Variants in ASCC3 observed in about 807,000 individuals in gnomAD.
The protein encoded by ASCC3 is activating signal cointegrator 1 complex subunit 3.
A neutral mutation model predicts 256.3 loss-of-function variants in ASCC3; 158 were observed. That is an observed-to-expected ratio of 0.62 (90% CI 0.54 to 0.70). The LOEUF (loss-of-function observed/expected upper bound fraction) is 0.70. Ranked by LOEUF, ASCC3 falls within the 30% of genes least tolerant of loss-of-function variation. ASCC3 has a pLI of 0.00. For synonymous variants in ASCC3, 948 were observed against 883.4 expected (o/e 1.07, Z -1.30); for missense variants, 2,259 against 2,626.0 (o/e 0.86, Z 3.05).
At chr6:100,516,412 C>CT (rs1332542949) in intron 38 of ASCC3, 85 bp from the exon 39 acceptor site, 20 of 1,501,252 alleles carry the variant, frequency 1.3e-5, no homozygotes, top group African/African-American at 4.2e-5. Flanking sequence ...ATAATTATAG[C>CT]TTTTTTTGTT....
At chr6:100,567,302 T>C (rs1345206815) in intron 36 of ASCC3, among the ~76,000 whole-genome samples, 17 of 152,142 alleles carry the variant, frequency 1.1e-4, no homozygotes, top group Admixed American at 1.1e-3. Context: ...ACCTTAATTT[T>C]TTTTCCTTTC....
intron 14 of ASCC3, among the ~76,000 whole-genome samples, chr6:100,668,355 C>T (rs1395641054): frequency 6.6e-6 from 1 of 151,920 alleles, no homozygotes; most frequent in Non-Finnish European, 1.5e-5. Context: ...AAATTCAGTG[C>T]ATTTCACTTA....
chr6:100,596,510 A>C (rs554829019), intron 34 of ASCC3, among the ~76,000 whole-genome samples: 1 of 152,186 alleles, frequency 6.6e-6, no homozygotes, highest in African/African-American at 2.4e-5. Flanking sequence ...GTAAACTACC[A>C]TAACTTTCTA....
rs1372247634 is a variant in ASCC3 at position 100,867,918 on chromosome 6, G to A, written c.80C>T (p.Ala27Val). Residue 27 changes from alanine (A) to valine (V), a missense_variant, in exon 2 of 42, where the codon GCT becomes GTT. Around this residue, in one of 2 missense-constraint regions of ASCC3, gnomAD observed 420 missense variants for 419.3 expected, o/e 1.00. Transcript: ENST00000369162. ...CTTTAACAAATCTACCTTTAAGTCA[G>A]CCACTTCTTCATTATAATTATCTTG... Reference protein sequence around the residue: ...TKQDNYNEEVADLKIKRSKLH... With the variant: ...TKQDNYNEEVVDLKIKRSKLH... 2 of 1,612,070 alleles carry A rather than the reference G, an allele frequency of 1.2e-6. No homozygotes were observed. The highest frequency in any genetic ancestry group is 1.7e-6 in the Non-Finnish European group (2 of 1,178,334).
chr6:100,848,496 C>G lies in ASCC3; in HGVS notation c.453G>C (p.Gln151His). 6.2e-7 allele frequency: 1 copy of G among 1,613,748 alleles called. No homozygotes were observed. Among genetic ancestry groups the G allele is most frequent in the Non-Finnish European group, 8.5e-7 (1 of 1,179,872 alleles). ...TATCGCCATGTTCTTTTTCTGTCAT[C>G]TGCACAAGAGCAGTAAGATCATCTT... ...FSQDDLTALV[Q>H]MTEKEHGDRV... Residue 151 changes from glutamine to histidine, a missense_variant, in exon 4 of 42, where the codon CAG becomes CAC. Physicochemically the swap from Gln to His is conservative, Grantham distance 24. Coordinates refer to ENST00000369162, the MANE Select transcript of ASCC3 (RefSeq NM_006828.4).
chr6:100,868,044 A>G lies in ASCC3; in HGVS notation c.-41-6T>C. 1 of 1,382,708 alleles carries G rather than the reference A, an allele frequency of 7.2e-7. No homozygotes were observed. The highest frequency in any genetic ancestry group is 2.3e-5 in the East Asian group (1 of 43,574). 85.7% of individuals were successfully genotyped at this position (1,382,708 alleles called of 1,614,324 possible). A position where few individuals can be genotyped will look rare whatever the true frequency, so the allele number is the denominator to read the frequency against. On this transcript the variant is annotated splice_region_variant and splice_polypyrimidine_tract_variant and intron_variant, in intron 1 of 41. Coordinates refer to ENST00000369162, the MANE Select transcript of ASCC3 (RefSeq NM_006828.4). The stretch of plus-strand genomic sequence containing the variant: ...ATACAGCAAGAAACCTGAAACTGAA[A>G]CAAAACAAGATGATATTTATCTGTT...
At chr6:100,670,709 TAAC>T (rs909573311) in intron 14 of ASCC3, among the ~76,000 whole-genome samples, 2 of 151,858 alleles carry the variant, frequency 1.3e-5, no homozygotes, top group African/African-American at 4.8e-5. Context: ...GGGCCATCTG[TAAC>T]AACTGCTGGA....
At chr6:100,838,881 T>TAA (rs1432895586) in intron 4 of ASCC3, among the ~76,000 whole-genome samples, 24 of 152,072 alleles carry the variant, frequency 1.6e-4, no homozygotes, top group African/African-American at 5.5e-4. Flanking sequence ...CATATATATA[T>TAA]AACTTAAAAT....
chr6:100,533,566 A>T (rs1349234073), intron 37 of ASCC3, among the ~76,000 whole-genome samples: 1 of 152,180 alleles, frequency 6.6e-6, no homozygotes, highest in East Asian at 1.9e-4. Flanking sequence ...AAACTTTCCC[A>T]AACTAACTCA....
At chr6:100,771,237 AT>A (rs1218619400) in intron 8 of ASCC3, among the ~76,000 whole-genome samples, 31 of 152,170 alleles carry the variant, frequency 2.0e-4, no homozygotes, top group Non-Finnish European at 5.9e-5. Flanking sequence ...CGTTAAAAAA[AT>A]GACTTGAAAC....
At chr6:100,605,817 A>T in intron 32 of ASCC3, 117 bp from the exon 33 acceptor site, 1 of 1,215,094 alleles carries the variant, frequency 8.2e-7, no homozygotes. Flanking sequence ...GAATATTGTG[A>T]TAATATGTTT....
At chr6:100,583,732 T>C (rs1158332412) in intron 36 of ASCC3, among the ~76,000 whole-genome samples, 2 of 152,232 alleles carry the variant, frequency 1.3e-5, no homozygotes, top group Non-Finnish European at 2.9e-5. Flanking sequence ...TTTAGTGCTA[T>C]AAATTTCCCT....
intron 13 of ASCC3, among the ~76,000 whole-genome samples, chr6:100,714,243 T>A (rs1778988740): frequency 6.6e-6 from 1 of 152,200 alleles, no homozygotes; most frequent in African/African-American, 2.4e-5. Flanking sequence ...AGAAAAATTC[T>A]GCCAGCCTCT....
intron 3 of ASCC3, chr6:100,858,324 G>T: frequency 6.1e-6 from 2 of 327,570 alleles, no homozygotes; most frequent in Non-Finnish European, 8.7e-6. Flanking sequence ...ACTTTTTCTT[G>T]CCATATTATG....
In ASCC3 at chr6:100,629,828, A is replaced by G. The variant is rs551423652; in HGVS notation, c.4209-647T>C. Among the ~76,000 whole-genome samples the G allele has an allele frequency of 3.3e-5, 5 of 152,154 alleles. No homozygotes were observed. The South Asian group carries it at 1.0e-3, about 32-fold the overall frequency. On this transcript the variant is annotated intron_variant, in intron 26 of 41. Coordinates refer to ENST00000369162, the MANE Select transcript of ASCC3 (RefSeq NM_006828.4). ...TATGTAGATCTAGAGGAATTACCTAAGAATTCCTAATTACATAGGATTAGC... is the reference window on the plus strand; with the variant it reads ...TATGTAGATCTAGAGGAATTACCTAGGAATTCCTAATTACATAGGATTAGC...
intron 36 of ASCC3, among the ~76,000 whole-genome samples, chr6:100,565,993 T>G (rs1057014703): frequency 6.6e-6 from 1 of 152,156 alleles, no homozygotes; most frequent in South Asian, 2.1e-4. Flanking sequence ...GCTCTTCTGA[T>G]GGTCAAGGAG....
intron 7 of ASCC3, 68 bp from the exon 8 acceptor site, chr6:100,798,906 T>A: frequency 1.5e-6 from 2 of 1,377,248 alleles, no homozygotes; most frequent in Non-Finnish European, 2.0e-6. Flanking sequence ...TAAATATTCT[T>A]TAGAGAGAGA....
intron 8 of ASCC3, among the ~76,000 whole-genome samples, chr6:100,776,642 C>T (rs1323009533): frequency 6.6e-6 from 1 of 151,862 alleles, no homozygotes; most frequent in African/African-American, 2.4e-5. Flanking sequence ...CTCGTGAGTG[C>T]GCACTCTATT....
rs538708666 is a variant in ASCC3 at position 100,874,297 on chromosome 6, C to T, written c.-41-6259G>A. On this transcript the variant is annotated intron_variant, in intron 1 of 41. Coordinates refer to ENST00000369162, the MANE Select transcript of ASCC3 (RefSeq NM_006828.4). Reference sequence around the variant, plus strand: ...CCTGGCCAACATGGTGAAACCCCGTCTCTACTAAAAATACAGAAATTAGTT... The same window carrying T: ...CCTGGCCAACATGGTGAAACCCCGTTTCTACTAAAAATACAGAAATTAGTT... Among the ~76,000 whole-genome samples the T allele has an allele frequency of 2.6e-5, 4 of 152,066 alleles. No homozygotes were observed. In the South Asian group the frequency reaches 8.3e-4, roughly 32 times the overall value.
Sources: allele counts gnomAD v4.1 joint callset (sites outside exome capture counted in the v4.1 genomes callset), GRCh38; gene constraint gnomAD v4.1.1; regional missense constraint gnomAD v4.1.1; transcripts MANE v1.5; gene names NCBI Gene and HGNC (gene_info 2026-07-23, HGNC 2026-07-21).